The following STARD13 variants were observed in gnomAD, a reference collection of about 807,000 sequenced individuals.
The protein encoded by STARD13 is stAR-related lipid transfer protein 13.
STARD13 carries 62 observed loss-of-function variants against 106.4 expected under a neutral mutation model. The ratio of observed to expected loss-of-function variants is 0.58; its 90% CI spans 0.48 to 0.72. The LOEUF (loss-of-function observed/expected upper bound fraction) is 0.72. Among genes scored for constraint, STARD13 ranks in the 30% least tolerant of loss-of-function variants. The pLI, the probability that STARD13 is intolerant of heterozygous loss-of-function variation, is 0.00. For missense variants in STARD13, 1,387 were observed against 1,424.0 expected (o/e 0.97, Z 0.42); for synonymous variants, 565 against 553.0 (o/e 1.02, Z -0.31).
chr13:33,519,208 T>TTTCTCTCTTTCTTTC, the STARD13 span, among the ~76,000 whole-genome samples: 45 of 101,590 alleles, frequency 4.4e-4, no homozygotes, highest in South Asian at 6.6e-4. Flanking sequence ...CTTGGTAATT[T>TTTCTCTCTTTCTTTC]TTTCTTTCTT....
chr13:33,672,413 A>C, the STARD13 span, among the ~76,000 whole-genome samples: 51 of 152,328 alleles, frequency 3.3e-4, no homozygotes, highest in African/African-American at 1.1e-3. Flanking sequence ...CACCTAATGC[A>C]TGCAGGGCTT....
At chr13:33,512,456 T>C in the STARD13 span, among the ~76,000 whole-genome samples, 1 of 152,128 alleles carries the variant, frequency 6.6e-6, no homozygotes, top group Non-Finnish European at 1.5e-5. Context: ...AAATTTACTA[T>C]GTTTTTTCAC....
chr13:33,121,745 C>T (rs1384508017), intron 7 of STARD13, among the ~76,000 whole-genome samples: 1 of 139,802 alleles, frequency 7.2e-6, no homozygotes, highest in African/African-American at 2.6e-5. Context: ...GTAGCATGAT[C>T]TCAGCTCAAC....
intron 1 of STARD13, among the ~76,000 whole-genome samples, chr13:33,339,930 T>A (rs369607738): frequency 1.4e-4 from 21 of 152,068 alleles, no homozygotes; most frequent in African/African-American, 4.8e-4. Flanking sequence ...AGGAAAATAC[T>A]ATTTATTACC....
chr13:33,138,233 T>C (rs1879310926), intron 4 of STARD13, among the ~76,000 whole-genome samples: 1 of 152,224 alleles, frequency 6.6e-6, no homozygotes, highest in African/African-American at 2.4e-5. Context: ...CTTCAGTCTC[T>C]GGCTTTTACT....
chr13:33,114,056 T>G (rs1038291432), intron 8 of STARD13, among the ~76,000 whole-genome samples: 1 of 152,186 alleles, frequency 6.6e-6, no homozygotes, highest in Non-Finnish European at 1.5e-5. Flanking sequence ...AAGAAATCAT[T>G]AGCACTCCCA....
chr13:33,482,886 T>G, the STARD13 span, among the ~76,000 whole-genome samples: 1,298 of 152,326 alleles, frequency 8.5e-3, 15 homozygotes, highest in African/African-American at 0.03. Flanking sequence ...TTTTAAAGTT[T>G]GTCTTTATCT....
the STARD13 span, among the ~76,000 whole-genome samples, chr13:33,577,826 G>C: frequency 6.6e-6 from 1 of 152,022 alleles, no homozygotes; most frequent in Non-Finnish European, 1.5e-5. Flanking sequence ...TAGATACAAA[G>C]CCAAAGCAAA....
At chr13:33,302,278 G>A (rs1892750509) in intron 1 of STARD13, among the ~76,000 whole-genome samples, 1 of 152,094 alleles carries the variant, frequency 6.6e-6, no homozygotes, top group East Asian at 1.9e-4. Flanking sequence ...CAGAATTTGG[G>A]CTCATTCACC....
At chr13:33,267,300 C>A (rs1381220685) in intron 1 of STARD13, among the ~76,000 whole-genome samples, 3 of 152,132 alleles carry the variant, frequency 2.0e-5, no homozygotes, top group African/African-American at 7.2e-5. Flanking sequence ...AAGAAATCCT[C>A]CCTCAATCTC....
intron 1 of STARD13, among the ~76,000 whole-genome samples, chr13:33,297,637 A>G (rs1892547553): frequency 6.6e-6 from 1 of 151,982 alleles, no homozygotes; most frequent in East Asian, 1.9e-4. Flanking sequence ...AGAAAAGTTT[A>G]GAAGAAACTG....
At chr13:33,456,718 A>C in the STARD13 span, among the ~76,000 whole-genome samples, 1 of 152,180 alleles carries the variant, frequency 6.6e-6, no homozygotes, top group Non-Finnish European at 1.5e-5. Context: ...TGTAAAAGAC[A>C]CACCAGAAAG....
the STARD13 span, among the ~76,000 whole-genome samples, chr13:33,453,034 G>A: frequency 0.057 from 8,680 of 152,264 alleles, 358 homozygotes; most frequent in Non-Finnish European, 0.08. Flanking sequence ...AGCTTGGGTT[G>A]GGTATTACCA....
chr13:33,259,175 T>C (rs569178669), intron 1 of STARD13, among the ~76,000 whole-genome samples: 9 of 152,326 alleles, frequency 5.9e-5, no homozygotes, highest in African/African-American at 1.9e-4. Flanking sequence ...ACATCTTGTC[T>C]TGCCCAGCAT....
At chr13:33,508,736 C>G in the STARD13 span, among the ~76,000 whole-genome samples, 2 of 152,170 alleles carry the variant, frequency 1.3e-5, no homozygotes, top group Non-Finnish European at 2.9e-5. Context: ...TATCAGAACT[C>G]AAATCATATA....
At chr13:33,634,595 T>C in the STARD13 span, among the ~76,000 whole-genome samples, 3 of 152,182 alleles carry the variant, frequency 2.0e-5, no homozygotes, top group African/African-American at 7.2e-5. Context: ...CTTTCTTACA[T>C]CCAAAATCCT....
the STARD13 span, among the ~76,000 whole-genome samples, chr13:33,458,527 T>A: frequency 6.6e-6 from 1 of 152,184 alleles, no homozygotes; most frequent in African/African-American, 2.4e-5. Context: ...ATTCTTTTAG[T>A]CTCACTAGGT....
chr13:33,343,911 A>G (rs1354738198), downstream of STARD13, among the ~76,000 whole-genome samples: 1 of 151,216 alleles, frequency 6.6e-6, no homozygotes, highest in African/African-American at 2.4e-5. Context: ...CACTCTTACC[A>G]CCTATTTCAT....
At chr13:33,432,674 T>G in the STARD13 span, among the ~76,000 whole-genome samples, 1 of 152,238 alleles carries the variant, frequency 6.6e-6, no homozygotes, top group Non-Finnish European at 1.5e-5. Flanking sequence ...AATAGTACTT[T>G]CAAGATTATA....
Sources: allele counts gnomAD v4.1 joint callset (sites outside exome capture counted in the v4.1 genomes callset), GRCh38; gene constraint gnomAD v4.1.1; transcripts MANE v1.5; gene names NCBI Gene and HGNC (gene_info 2026-07-23, HGNC 2026-07-21).